Variants in CSMD3 observed in about 807,000 individuals in gnomAD.
CSMD3 encodes CUB and Sushi multiple domains 3.
In CSMD3, 177 loss-of-function variants were observed where a neutral mutation model predicts 435.2. The ratio of observed to expected loss-of-function variants is 0.41; its 90% CI spans 0.36 to 0.46. CSMD3 has a LOEUF of 0.46. CSMD3 is among the 20% of genes least tolerant of loss of function. The probability of loss-of-function intolerance (pLI) is 0.34; values close to 1 mark genes in which losing one functional copy is unlikely to be tolerated. For synonymous variants in CSMD3, 1,656 were observed against 1,520.5 expected (o/e 1.09, Z -2.07); for missense variants, 4,265 against 4,504.6 (o/e 0.95, Z 1.52).
At chr8:113,055,808 G>T (rs957023044) in intron 5 of CSMD3, among the ~76,000 whole-genome samples, 1 of 152,146 alleles carries the variant, frequency 6.6e-6, no homozygotes, top group Non-Finnish European at 1.5e-5. Flanking sequence ...GTAGAGGCAA[G>T]GCATTTGGCA....
At chr8:112,327,823 T>C (rs1823647108) in intron 45 of CSMD3, among the ~76,000 whole-genome samples, 2 of 152,222 alleles carry the variant, frequency 1.3e-5, no homozygotes, top group Admixed American at 6.6e-5. Flanking sequence ...GTCCAACAAA[T>C]ATGCTTTTTG....
intron 10 of CSMD3, among the ~76,000 whole-genome samples, chr8:112,882,269 A>G (rs895717146): frequency 2.0e-5 from 3 of 151,966 alleles, no homozygotes; most frequent in African/African-American, 7.2e-5. Flanking sequence ...ACAAGACCAC[A>G]TGTCTCCCCA....
intron 27 of CSMD3, among the ~76,000 whole-genome samples, chr8:112,534,999 C>T (rs1825919689): frequency 6.6e-6 from 1 of 152,136 alleles, no homozygotes; most frequent in Non-Finnish European, 1.5e-5. Context: ...GCTAAAAACT[C>T]TCAATAAATT....
rs2075524171 is a variant in CSMD3 at position 112,666,313 on chromosome 8, G to C, written c.2780C>G (p.Ala927Gly). 1 of 1,612,194 alleles carries C rather than the reference G, an allele frequency of 6.2e-7. No homozygotes were observed. Among genetic ancestry groups the C allele is most frequent in the South Asian group, 1.1e-5 (1 of 90,948 alleles). The part of the protein sequence containing the change: ...DSLNCEWVIE[A>G]EPGHSIKITF... ...AATTTTGATAGAGTGTCCAGGTTCAGCTTCAATCACCCACTCACAATTCAA... is the reference window on the plus strand; with the variant it reads ...AATTTTGATAGAGTGTCCAGGTTCACCTTCAATCACCCACTCACAATTCAA... The change falls in exon 17 of 71, where the codon GCT becomes GGT. Residue 927 changes from alanine to glycine, a missense_variant. Around this residue, in one of 3 missense-constraint regions of CSMD3, gnomAD observed 3,255 missense variants for 3,380.2 expected, o/e 0.96. Coordinates refer to ENST00000297405, the MANE Select transcript of CSMD3 (RefSeq NM_198123.2).
chr8:113,075,786 A>T (rs2089310402), intron 5 of CSMD3, among the ~76,000 whole-genome samples: 1 of 151,858 alleles, frequency 6.6e-6, no homozygotes, highest in Non-Finnish European at 1.5e-5. Context: ...TAGGAAAGCA[A>T]ATAATAGATG....
At chr8:113,197,431 C>G (rs1233765190) in intron 3 of CSMD3, among the ~76,000 whole-genome samples, 3 of 151,038 alleles carry the variant, frequency 2.0e-5, no homozygotes, top group Non-Finnish European at 4.5e-5. Flanking sequence ...ACAGTGGTCC[C>G]ATGGGGATCC....
At chr8:113,183,627 C>T (rs1250791121) in intron 3 of CSMD3, among the ~76,000 whole-genome samples, 1 of 151,852 alleles carries the variant, frequency 6.6e-6, no homozygotes, top group Non-Finnish European at 1.5e-5. Flanking sequence ...TTTCTCCAAC[C>T]CGTAAGTCCC....
intron 31 of CSMD3, among the ~76,000 whole-genome samples, chr8:112,485,445 C>G (rs559789083): frequency 3.2e-4 from 49 of 152,000 alleles, no homozygotes; most frequent in South Asian, 6.2e-4. Flanking sequence ...ATGCCAATGG[C>G]TCAGTATATT....
intron 3 of CSMD3, among the ~76,000 whole-genome samples, chr8:113,184,878 C>A (rs2092475647): frequency 6.6e-6 from 1 of 152,068 alleles, no homozygotes; most frequent in Non-Finnish European, 1.5e-5. Context: ...AGGTTTTTCT[C>A]AATTTACAAC....
chr8:112,399,307 C>G (rs935244257), intron 35 of CSMD3, among the ~76,000 whole-genome samples: 1 of 150,672 alleles, frequency 6.6e-6, no homozygotes, highest in Admixed American at 6.6e-5. Flanking sequence ...GTCAGCCAGG[C>G]TGGAGTGCAA....
rs1312031870 is a variant in CSMD3, at chr8:112,247,062, G to A, written c.10180C>T (p.Leu3394Phe). Residue 3394 changes from leucine to phenylalanine, a missense_variant, in exon 64 of 71, where the codon CTC becomes TTC. Leu to Phe is a conservative substitution (Grantham distance 22). Coordinates refer to ENST00000297405, the MANE Select transcript of CSMD3 (RefSeq NM_198123.2). ...ATCCCACTCCACGTAAGATCAGGGA[G>A]GCAGGTGCGTGTTGTAGACCCTTGG... Reference protein sequence around the residue: ...LLQGSTTRTCLPDLTWSGIQP... With the variant: ...LLQGSTTRTCFPDLTWSGIQP... 6 of 1,613,860 alleles carry A rather than the reference G, an allele frequency of 3.7e-6. No homozygotes were observed. Among genetic ancestry groups the A allele is most frequent in the South Asian group, 1.1e-5 (1 of 91,082 alleles).
intron 4 of CSMD3, among the ~76,000 whole-genome samples, chr8:113,167,443 A>T (rs1480110018): frequency 5.9e-5 from 9 of 152,324 alleles, no homozygotes; most frequent in African/African-American, 2.2e-4. Flanking sequence ...AGAAATATAA[A>T]TCAACTCGTA....
intron 18 of CSMD3, among the ~76,000 whole-genome samples, chr8:112,652,504 C>CTA (rs1651925084): frequency 1.3e-5 from 2 of 152,110 alleles, no homozygotes; most frequent in Admixed American, 1.3e-4. Flanking sequence ...GTTCATTGAC[C>CTA]TATAGTAAAG....
chr8:113,174,298 C>A (rs2092315346), intron 3 of CSMD3, among the ~76,000 whole-genome samples: 1 of 152,006 alleles, frequency 6.6e-6, no homozygotes, highest in Non-Finnish European at 1.5e-5. Flanking sequence ...ATCTTCAGTC[C>A]TTCAGTGCTT....
intron 32 of CSMD3, among the ~76,000 whole-genome samples, chr8:112,437,574 T>C (rs1278127350): frequency 6.6e-6 from 1 of 151,942 alleles, no homozygotes; most frequent in Non-Finnish European, 1.5e-5. Context: ...CATATATATA[T>C]GTGTGTGTGT....
At chr8:112,234,271 C>A (rs1354614611) in intron 68 of CSMD3, 94 bp downstream of exon 68, 4 of 773,954 alleles carry the variant, frequency 5.2e-6, no homozygotes, top group African/African-American at 1.7e-5. Context: ...TGTATGTATT[C>A]ATAATTAGCT....
intron 32 of CSMD3, among the ~76,000 whole-genome samples, chr8:112,467,593 G>T (rs1428493742): frequency 6.6e-6 from 1 of 152,080 alleles, no homozygotes; most frequent in Non-Finnish European, 1.5e-5. Flanking sequence ...TCACCAAGAA[G>T]CCCGGAATGT....
At chr8:113,399,600 T>C (rs1488562666) in intron 1 of CSMD3, among the ~76,000 whole-genome samples, 1 of 151,700 alleles carries the variant, frequency 6.6e-6, no homozygotes, top group Non-Finnish European at 1.5e-5. Flanking sequence ...AGACAACATA[T>C]AGAGATAAAA....
chr8:113,124,685 C>T lies in CSMD3; in HGVS notation c.710-25722G>A, dbSNP rs778123467. ...ATTGCAAATATATTATATTAATAGT[C>T]ATCAGTGATCAGTATGGCTGATCAC... is the stretch of plus-strand genomic sequence containing the variant. On this transcript the variant is annotated intron_variant, in intron 4 of 70. Transcript: ENST00000297405. Among the ~76,000 whole-genome samples the T allele has an allele frequency of 3.3e-5, 5 of 151,880 alleles. No homozygotes were observed. The South Asian group carries it at 8.3e-4, about 25-fold the overall frequency.
Sources: gnomAD v4.1 joint callset for allele counts (sites outside exome capture counted in the v4.1 genomes callset) on GRCh38, gnomAD v4.1.1 for gene constraint, gnomAD v4.1.1 regional missense constraint, MANE v1.5 for transcripts, NCBI Gene and HGNC (gene_info 2026-07-23, HGNC 2026-07-21) for gene names.